UBE2E2: variants seen among roughly 807,000 people sequenced by gnomAD.
UBE2E2 encodes the protein ubiquitin conjugating enzyme E2 E2, also known as ubiquitin-conjugating enzyme E2 E2.
A neutral mutation model predicts 24.7 loss-of-function variants in UBE2E2; 6 were observed. The ratio of observed to expected loss-of-function variants is 0.24; its 90% confidence interval spans 0.13 to 0.48. The LOEUF (loss-of-function observed/expected upper bound fraction) is 0.48. Among genes scored for constraint, UBE2E2 ranks in the 20% least tolerant of loss-of-function variants. The pLI, the probability that UBE2E2 is intolerant of heterozygous loss-of-function variation, is 0.99. For missense variants in UBE2E2, 169 were observed against 245.0 expected (o/e 0.69, Z 2.07); for synonymous variants, 104 against 83.6 (o/e 1.24, Z -1.33).
At chr3:23,258,607 A>G (rs188636414) in intron 3 of UBE2E2, among the ~76,000 whole-genome samples, 1 of 152,280 alleles carries the variant, frequency 6.6e-6, no homozygotes, top group African/African-American at 2.4e-5. Context: ...ATAAAAATGA[A>G]TCTAGGTCGG....
At chr3:23,209,074 C>G (rs950946430) in intron 2 of UBE2E2, among the ~76,000 whole-genome samples, 199 bp downstream of exon 2, 2 of 152,108 alleles carry the variant, frequency 1.3e-5, no homozygotes, top group Admixed American at 6.6e-5. Flanking sequence ...AATGGCAAGG[C>G]AAATTCATAA....
At chr3:23,507,127 C>A (rs1197527485) in intron 4 of UBE2E2, among the ~76,000 whole-genome samples, 1 of 152,152 alleles carries the variant, frequency 6.6e-6, no homozygotes, top group Admixed American at 6.5e-5. Flanking sequence ...TCCATTTGTT[C>A]TTCCTTCTGC....
intron 3 of UBE2E2, among the ~76,000 whole-genome samples, chr3:23,288,592 C>G (rs1324416061): frequency 6.6e-6 from 1 of 152,124 alleles, no homozygotes; most frequent in Non-Finnish European, 1.5e-5. Flanking sequence ...TATCTGGGTG[C>G]TCCAGTTTTG....
intron 2 of UBE2E2, among the ~76,000 whole-genome samples, chr3:23,214,062 T>G (rs1696401301): frequency 6.6e-6 from 1 of 152,166 alleles, no homozygotes; most frequent in Non-Finnish European, 1.5e-5. Context: ...CAATTCTTAG[T>G]ATAATCTTTT....
At chr3:23,500,120 G>C (rs1007044471) in intron 4 of UBE2E2, among the ~76,000 whole-genome samples, 3 of 152,172 alleles carry the variant, frequency 2.0e-5, no homozygotes, top group Non-Finnish European at 2.9e-5. Context: ...CTAAGCGCAA[G>C]AATCAGGCTA....
chr3:23,508,790 G>A (rs1382707409), intron 4 of UBE2E2, among the ~76,000 whole-genome samples: 1 of 152,336 alleles, frequency 6.6e-6, no homozygotes, highest in South Asian at 2.1e-4. Context: ...ACTGGGAGGG[G>A]TAGATAGGCC....
At chr3:23,226,790 G>A (rs1696838069) in intron 3 of UBE2E2, among the ~76,000 whole-genome samples, 1 of 152,054 alleles carries the variant, frequency 6.6e-6, no homozygotes, top group South Asian at 2.1e-4. Context: ...GTAGTTTGAG[G>A]TTTAAATACT....
intron 3 of UBE2E2, among the ~76,000 whole-genome samples, chr3:23,306,406 T>C (rs980470206): frequency 1.3e-5 from 2 of 152,206 alleles, no homozygotes; most frequent in African/African-American, 4.8e-5. Context: ...AGACAAATAT[T>C]AGCCAATCCA....
intron 5 of UBE2E2, among the ~76,000 whole-genome samples, chr3:23,586,369 A>G (rs936536774): frequency 6.6e-6 from 1 of 152,106 alleles, no homozygotes; most frequent in Non-Finnish European, 1.5e-5. Flanking sequence ...ATCACAGCTC[A>G]CTGTAGTCTT....
At chr3:23,384,830 C>A (rs766067327) in intron 3 of UBE2E2, among the ~76,000 whole-genome samples, 34 of 152,234 alleles carry the variant, frequency 2.2e-4, no homozygotes, top group Non-Finnish European at 4.3e-4. Context: ...CGTGAGCCAC[C>A]ACACCTGGCC....
intron 3 of UBE2E2, among the ~76,000 whole-genome samples, chr3:23,232,028 T>C (rs751651338): frequency 1.7e-4 from 26 of 152,210 alleles, no homozygotes; most frequent in Non-Finnish European, 3.1e-4. Context: ...GGACCTCTTA[T>C]GGAGACCTTA....
At position 23,285,459 on chromosome 3, in the gene UBE2E2, C is replaced by G. The variant is rs1698595020; in HGVS notation, c.227+68147C>G. 2.0e-5 allele frequency among the ~76,000 whole-genome samples: 3 copies of G among 152,196 alleles called. No homozygotes were observed. The South Asian group carries it at 6.2e-4, about 32-fold the overall frequency. On this transcript the variant is annotated intron_variant, in intron 3 of 5. Transcript: ENST00000396703. ...TTTTGAGCAACCTCCAAACTGTTCT[C>G]TGTAGTGGTTGTACTAATTTATGTT...
intron 3 of UBE2E2, among the ~76,000 whole-genome samples, chr3:23,414,781 G>C (rs888998066): frequency 5.9e-5 from 9 of 152,160 alleles, no homozygotes; most frequent in Non-Finnish European, 1.3e-4. Context: ...TATAAAAGAG[G>C]CTGAGGAAGC....
At position 23,238,836 on chromosome 3, in the gene UBE2E2, G is replaced by A. The variant is rs75929359; in HGVS notation, c.227+21524G>A. Among the ~76,000 whole-genome samples, 12 of 152,226 alleles carry A rather than the reference G, an allele frequency of 7.9e-5. No homozygotes were observed. The East Asian group carries it at 2.3e-3, about 29-fold the overall frequency. ...GATCTGACTGGGACCTGCCACATGG[G>A]GTTAGGTGTGGAGTTTCCCACTTGT... On this transcript the variant is annotated intron_variant, in intron 3 of 5. Transcript: ENST00000396703.
intron 3 of UBE2E2, among the ~76,000 whole-genome samples, chr3:23,217,538 T>G (rs1696510411): frequency 6.6e-6 from 1 of 152,088 alleles, no homozygotes; most frequent in South Asian, 2.1e-4. Flanking sequence ...AAAAGTAGTG[T>G]AATGCAATAA....
In UBE2E2 at chr3:23,457,586, G is replaced by A. The variant is rs574234253; in HGVS notation, c.228-42022G>A. On this transcript the variant is annotated intron_variant, in intron 3 of 5. Coordinates refer to ENST00000396703, the MANE Select transcript of UBE2E2 (RefSeq NM_152653.4). ...GTCACCAAGGCTGGAGTGCAGTGGCGTGATCACAGCTCACTGCAGCCTCAA... is the reference window on the plus strand; with the variant it reads ...GTCACCAAGGCTGGAGTGCAGTGGCATGATCACAGCTCACTGCAGCCTCAA... Among the ~76,000 whole-genome samples the A allele has an allele frequency of 6.0e-4, 92 of 152,158 alleles. 2 individuals are homozygous for A. The highest frequency in any genetic ancestry group is 1.6e-3 in the African/African-American group (66 of 41,504).
At chr3:23,205,421 CAA>C (rs1236617379) in intron 1 of UBE2E2, among the ~76,000 whole-genome samples, 1 of 152,130 alleles carries the variant, frequency 6.6e-6, no homozygotes, top group Non-Finnish European at 1.5e-5. Context: ...TTCAGAGAGA[CAA>C]GACATCAAGT....
chr3:23,257,696 A>C (rs1352961879), intron 3 of UBE2E2, among the ~76,000 whole-genome samples: 1 of 151,666 alleles, frequency 6.6e-6, no homozygotes, highest in African/African-American at 2.4e-5. Context: ...TTCATGGTAC[A>C]TTTGAAACCA....
rs145789324 is a variant in UBE2E2, at chr3:23,290,197, A to G, written c.227+72885A>G. Among the ~76,000 whole-genome samples the G allele has an allele frequency of 2.3e-3, 345 of 152,360 alleles. 3 individuals are homozygous for G. Among genetic ancestry groups the G allele is most frequent in the African/African-American group, 7.9e-3 (329 of 41,592 alleles). On this transcript the variant is annotated intron_variant, in intron 3 of 5. Coordinates refer to ENST00000396703, the MANE Select transcript of UBE2E2 (RefSeq NM_152653.4). ...CTGCTAAGCAGTTAGATTGGTAACT[A>G]TGAGGTAGCAGCTTCTGTATCTTGT...
Sources: allele counts gnomAD v4.1 joint callset (sites outside exome capture counted in the v4.1 genomes callset), GRCh38; gene constraint gnomAD v4.1.1; transcripts MANE v1.5; gene names NCBI Gene and HGNC (gene_info 2026-07-23, HGNC 2026-07-21).